Variants in SDK1 observed in about 807,000 individuals in gnomAD.
The protein encoded by SDK1 is sidekick cell adhesion molecule 1, also known as protein sidekick-1.
Under a neutral mutation model 245.5 loss-of-function variants are expected in SDK1, and 157 were observed. That is an observed-to-expected ratio of 0.64 (90% CI 0.56 to 0.73). The LOEUF (loss-of-function observed/expected upper bound fraction) is 0.73, where lower values mean the gene tolerates loss of function less well. SDK1 is among the 30% of genes least tolerant of loss of function. The pLI is 0.00. For synonymous variants in SDK1, 1,647 were observed against 1,278.5 expected, an observed-to-expected ratio of 1.29 and a Z score of -6.15; for missense variants, 3,583 against 3,002.3, an observed-to-expected ratio of 1.19 and a Z score of -4.52.
chr7:3,797,031 G>A (rs1303618618), intron 4 of SDK1, among the ~76,000 whole-genome samples: 1 of 150,076 alleles, frequency 6.7e-6, no homozygotes, highest in African/African-American at 2.5e-5. Flanking sequence ...TAGAGACAGG[G>A]TCTTGCTCTG....
chr7:3,664,827 G>A (rs990221655), intron 4 of SDK1, among the ~76,000 whole-genome samples: 1 of 152,098 alleles, frequency 6.6e-6, no homozygotes, highest in Middle Eastern at 3.4e-3. Flanking sequence ...TAATAACTTG[G>A]CATCTTTCTT....
At chr7:4,218,152 C>T (rs760564506) in intron 38 of SDK1, among the ~76,000 whole-genome samples, 1 of 152,184 alleles carries the variant, frequency 6.6e-6, no homozygotes, top group African/African-American at 2.4e-5. Context: ...GTCTGTAATT[C>T]CAGCACGTTG....
chr7:4,114,732 T>C (rs1037587948), intron 25 of SDK1, among the ~76,000 whole-genome samples: 1 of 152,172 alleles, frequency 6.6e-6, no homozygotes, highest in Non-Finnish European at 1.5e-5. Context: ...CATATTGTGG[T>C]CTAAGGTGGG....
chr7:4,225,644 C>T (rs376461312), intron 40 of SDK1, among the ~76,000 whole-genome samples: 2 of 152,150 alleles, frequency 1.3e-5, no homozygotes, highest in Non-Finnish European at 2.9e-5. Context: ...GCAGGCCGTG[C>T]GGATTAGAAG....
intron 4 of SDK1, among the ~76,000 whole-genome samples, chr7:3,744,790 C>T (rs567914622): frequency 2.7e-5 from 4 of 150,310 alleles, no homozygotes; most frequent in South Asian, 2.1e-4. Flanking sequence ...CCAGCCTGGG[C>T]GACAGAGTGA....
Position 3,398,254 on chromosome 7 carries a change from T to C in SDK1, c.298+96370T>C, listed in dbSNP as rs1378180528. 3.3e-5 allele frequency among the ~76,000 whole-genome samples: 5 copies of C among 152,154 alleles called. No homozygotes were observed. The South Asian group carries it at 6.2e-4, about 19-fold the overall frequency. On this transcript the variant is annotated intron_variant, in intron 1 of 44. Transcript: ENST00000404826. The stretch of plus-strand genomic sequence containing the variant: ...TACCGCCTTAAGTAGAGTCTGTACC[T>C]TGCAGCTATTTTAGTTGTAATCCAC...
intron 4 of SDK1, among the ~76,000 whole-genome samples, chr7:3,666,686 A>C (rs940361169): frequency 7.5e-6 from 1 of 134,160 alleles, no homozygotes; most frequent in Admixed American, 7.5e-5. Flanking sequence ...GTTTGAATAA[A>C]TTAATTGTTT....
At chr7:3,416,863 C>G (rs1779379414) in intron 1 of SDK1, among the ~76,000 whole-genome samples, 1 of 152,042 alleles carries the variant, frequency 6.6e-6, no homozygotes, top group Admixed American at 6.6e-5. Context: ...TTGGTTAGAA[C>G]CTAGAAAGTG....
intron 5 of SDK1, among the ~76,000 whole-genome samples, chr7:3,937,383 A>C (rs1780197365): frequency 6.6e-6 from 1 of 152,190 alleles, no homozygotes; most frequent in African/African-American, 2.4e-5. Context: ...CTTCAGATGG[A>C]GCTGAGAACC....
intron 39 of SDK1, among the ~76,000 whole-genome samples, chr7:4,220,583 A>G (rs965558530): frequency 3.3e-5 from 5 of 151,436 alleles, no homozygotes; most frequent in African/African-American, 1.2e-4. Flanking sequence ...TAAATCAGAA[A>G]ATTTTAAAGT....
intron 4 of SDK1, among the ~76,000 whole-genome samples, chr7:3,647,038 C>T (rs1782861158): frequency 6.6e-6 from 1 of 152,124 alleles, no homozygotes; most frequent in Non-Finnish European, 1.5e-5. Flanking sequence ...GTGATGATCG[C>T]ACAACAGTGT....
chr7:3,399,249 T>G (rs1400986323), intron 1 of SDK1, among the ~76,000 whole-genome samples: 1 of 152,140 alleles, frequency 6.6e-6, no homozygotes, highest in Non-Finnish European at 1.5e-5. Context: ...ACTCCTTACA[T>G]GAATATTTCC....
chr7:3,490,636 C>T (rs959019555), intron 1 of SDK1, among the ~76,000 whole-genome samples: 1 of 152,174 alleles, frequency 6.6e-6, no homozygotes, highest in African/African-American at 2.4e-5. Context: ...CACATGAAGA[C>T]CTGCATGCTT....
At chr7:3,611,216 A>G (rs1182758384) in intron 1 of SDK1, among the ~76,000 whole-genome samples, 1 of 152,206 alleles carries the variant, frequency 6.6e-6, no homozygotes, top group Non-Finnish European at 1.5e-5. Flanking sequence ...ACTGGGAAGT[A>G]TTTAGAAATA....
At chr7:4,060,966 A>T (rs1275784075) in intron 19 of SDK1, among the ~76,000 whole-genome samples, 2 of 152,002 alleles carry the variant, frequency 1.3e-5, no homozygotes, top group African/African-American at 4.8e-5. Flanking sequence ...ATGTGGTGTT[A>T]TTTCAGAGGG....
chr7:3,342,792 A>G (rs1374419136), intron 1 of SDK1, among the ~76,000 whole-genome samples: 1 of 152,178 alleles, frequency 6.6e-6, no homozygotes, highest in Non-Finnish European at 1.5e-5. Flanking sequence ...GTCTGCCAAG[A>G]GACTAATACC....
At chr7:3,500,056 G>T (rs1450613890) in intron 1 of SDK1, among the ~76,000 whole-genome samples, 1 of 152,138 alleles carries the variant, frequency 6.6e-6, no homozygotes, top group Admixed American at 6.5e-5. Flanking sequence ...GCTCACTGGG[G>T]TGTCTTGTCT....
chr7:4,017,757 C>T (rs1000683522), intron 17 of SDK1, among the ~76,000 whole-genome samples: 6 of 152,178 alleles, frequency 3.9e-5, no homozygotes, highest in South Asian at 2.1e-4. Context: ...TTATTTTTAA[C>T]GACGTAACGT....
chr7:3,808,758 T>C (rs1779312529), intron 4 of SDK1, among the ~76,000 whole-genome samples: 1 of 152,054 alleles, frequency 6.6e-6, no homozygotes. Context: ...TCACAGAGAG[T>C]GATGGCACTG....
Sources: allele counts gnomAD v4.1 joint callset (sites outside exome capture counted in the v4.1 genomes callset), GRCh38; gene constraint gnomAD v4.1.1; transcripts MANE v1.5; gene names NCBI Gene and HGNC (gene_info 2026-07-23, HGNC 2026-07-21).